The following NRP2 variants were observed in gnomAD, a reference collection of about 807,000 sequenced individuals.
The protein encoded by NRP2 is neuropilin 2, also known as neuropilin-2.
Under a neutral mutation model 110.4 loss-of-function variants are expected in NRP2, and 52 were observed. That is an observed-to-expected ratio of 0.47 (90% CI 0.38 to 0.59). The LOEUF is 0.59. Ranked by LOEUF, NRP2 falls within the 20% of genes least tolerant of loss-of-function variation. The pLI, the probability that NRP2 is intolerant of heterozygous loss-of-function variation, is 0.00. For missense variants in NRP2, 1,049 were observed against 1,203.0 expected, an observed-to-expected ratio of 0.87 and a Z score of 1.89; for synonymous variants, 508 against 468.9, an observed-to-expected ratio of 1.08 and a Z score of -1.08.
At chr2:205,790,851 C>T (rs980800901) in intron 15 of NRP2, among the ~76,000 whole-genome samples, 3 of 152,152 alleles carry the variant, frequency 2.0e-5, no homozygotes, top group African/African-American at 4.8e-5. Flanking sequence ...CTGCAGGTGC[C>T]ACTTGCTGTG....
chr2:205,740,656 G>C lies in NRP2; in HGVS notation c.1284G>C (p.Arg428=). The part of the protein sequence containing the change: ...IALRLELFGC[R]VTDAPCSNML... ...TCCGGCTGGAGCTCTTCGGCTGCCG[G>C]GTCACAGGTGAGGTGGGGGCTCCAA... The change falls in exon 8 of 17, where the codon CGG becomes CGC. Residue 428 remains arginine (R), a synonymous_variant. Coordinates refer to ENST00000357785, the MANE Select transcript of NRP2 (RefSeq NM_003872.3). 6.2e-7 allele frequency: 1 copy of C among 1,614,110 alleles called. No individual in the cohort carries two copies. The highest frequency in any genetic ancestry group is 8.5e-7 in the Non-Finnish European group (1 of 1,180,024).
chr2:205,752,415 C>G (rs2057662727), intron 11 of NRP2: 1 of 302,716 alleles, frequency 3.3e-6, no homozygotes, highest in African/African-American at 2.2e-5. Context: ...TGCCCCATCT[C>G]CTCTGAGAGC....
In NRP2 at chr2:205,686,747, G is replaced by C. The variant is rs2056175495; in HGVS notation, c.73+3384G>C. Among the ~76,000 whole-genome samples, 1 of 152,182 alleles carries C rather than the reference G, an allele frequency of 6.6e-6. No individual in the cohort carries two copies. Among genetic ancestry groups the C allele is most frequent in the South Asian group, 2.1e-4 (1 of 4,834 alleles). On this transcript the variant is annotated intron_variant, in intron 1 of 16. Coordinates refer to ENST00000357785, the MANE Select transcript of NRP2 (RefSeq NM_003872.3). The surrounding 1 kb of genome is among the most constrained non-coding windows in gnomAD (Gnocchi z 4.7). Reference sequence around the variant, plus strand: ...CGTTGCGGCTTCTGCGGCTCCGGCTGAATTTCTTCTAAAAGATAGGAGATC... The same window carrying C: ...CGTTGCGGCTTCTGCGGCTCCGGCTCAATTTCTTCTAAAAGATAGGAGATC...
chr2:205,730,901 T>C (rs2057225992), intron 7 of NRP2, among the ~76,000 whole-genome samples: 1 of 152,226 alleles, frequency 6.6e-6, no homozygotes, highest in Admixed American at 6.5e-5. Flanking sequence ...ACTAAGGAAC[T>C]CTTTTCCAGC....
Position 205,727,883 on chromosome 2 carries a change from T to C in NRP2, c.991-8T>C. 6.2e-7 allele frequency: 1 copy of C among 1,611,752 alleles called. No individual in the cohort carries two copies. Among genetic ancestry groups the C allele is most frequent in the Non-Finnish European group, 8.5e-7 (1 of 1,178,908 alleles). On this transcript the variant is annotated splice_region_variant and splice_polypyrimidine_tract_variant and intron_variant, in intron 6 of 16. Transcript: ENST00000357785. The stretch of plus-strand genomic sequence containing the variant: ...GGTGGTCTCTTACTCCAGCCCTCTA[T>C]TCCCCAGGTGGACCTGCGCTTTTTA...
chr2:205,693,221 C>T (rs781724181), intron 1 of NRP2, among the ~76,000 whole-genome samples: 3 of 152,076 alleles, frequency 2.0e-5, no homozygotes, highest in South Asian at 2.1e-4. Context: ...GAAATGAGAC[C>T]GATTGCTTTT....
intron 2 of NRP2, among the ~76,000 whole-genome samples, chr2:205,713,114 A>G (rs1472647638): frequency 1.3e-5 from 2 of 152,080 alleles, no homozygotes; most frequent in South Asian, 4.1e-4. Context: ...TAACAGTGGC[A>G]TTTGTTGGGC....
Position 205,725,776 on chromosome 2 carries a change from A to T in NRP2, c.821-137A>T. 2 of 852,938 alleles carry T rather than the reference A, an allele frequency of 2.3e-6. No homozygotes were observed. The highest frequency in any genetic ancestry group is 3.9e-6 in the Non-Finnish European group (2 of 511,888). 52.8% of individuals were successfully genotyped at this position (852,938 alleles called of 1,614,324 possible). A position where few individuals can be genotyped will look rare whatever the true frequency, so the allele number is the denominator to read the frequency against. On this transcript the variant is annotated intron_variant, in intron 5 of 16. Coordinates refer to ENST00000357785, the MANE Select transcript of NRP2 (RefSeq NM_003872.3). The surrounding 1 kb of genome is among the most constrained non-coding windows in gnomAD (Gnocchi z 4.1). Reference sequence around the variant, plus strand: ...ATGACTTGATGTAGTTGTTTTTAAAATGTGAGCATATAATTAGGGTCTTTT... The same window carrying T: ...ATGACTTGATGTAGTTGTTTTTAAATTGTGAGCATATAATTAGGGTCTTTT...
intron 2 of NRP2, among the ~76,000 whole-genome samples, chr2:205,708,420 A>G (rs2056730212): frequency 6.6e-6 from 1 of 152,228 alleles, no homozygotes; most frequent in Admixed American, 6.5e-5. Flanking sequence ...GGGAAATGGT[A>G]TTCACCCAAA....
At chr2:205,751,539 GTC>G (rs1005153642) in intron 11 of NRP2, among the ~76,000 whole-genome samples, 1 of 152,104 alleles carries the variant, frequency 6.6e-6, no homozygotes, top group Non-Finnish European at 1.5e-5. Flanking sequence ...GATTCCATGT[GTC>G]TCTTCTAAAC....
chr2:205,745,492 C>A (rs1463735616), intron 9 of NRP2, among the ~76,000 whole-genome samples: 1 of 152,174 alleles, frequency 6.6e-6, no homozygotes, highest in Non-Finnish European at 1.5e-5. Context: ...AAAGACACAA[C>A]CTGGAAATTG....
In NRP2 at chr2:205,763,631, C is replaced by T. The variant is rs1463776201; in HGVS notation, c.2045-43C>T. On this transcript the variant is annotated intron_variant, in intron 12 of 16. Transcript: ENST00000357785. This position sits in a 1 kb window ranked among gnomAD's most constrained non-coding sequence, Gnocchi z 4.0. The stretch of plus-strand genomic sequence containing the variant: ...CACAGCAGCACACTGGTGTCTTTCC[C>T]GAGTGTTTATGGAGAACCTCTGTTT... 4 of 1,613,232 alleles carry T rather than the reference C, an allele frequency of 2.5e-6. No individual in the cohort carries two copies. Among genetic ancestry groups the T allele is most frequent in the Non-Finnish European group, 3.4e-6 (4 of 1,179,904 alleles).
At chr2:205,776,738 A>T in intron 15 of NRP2, 1 of 1,462,342 alleles carries the variant, frequency 6.8e-7, no homozygotes, top group Non-Finnish European at 9.0e-7. Context: ...TGTTGATTCC[A>T]AACCAACAAA....
intron 10 of NRP2, among the ~76,000 whole-genome samples, chr2:205,746,251 TA>T (rs1458684920): frequency 1.3e-5 from 2 of 152,144 alleles, no homozygotes; most frequent in Non-Finnish European, 2.9e-5. Context: ...GATAATAAAG[TA>T]ATCGGTTTAT....
chr2:205,752,847 A>C lies in NRP2; in HGVS notation c.1916A>C (p.Gln639Pro). 4 of 1,614,194 alleles carry C rather than the reference A, an allele frequency of 2.5e-6. No individual in the cohort carries two copies. The highest frequency in any genetic ancestry group is 2.2e-5 in the East Asian group (1 of 44,876). ...NCSFEDDKDL[Q>P]LPSGFNCNFD... ...TTTCCCCTTTTAGACAAAGATTTGC[A>C]GCTCCCTTCGGGATTCAATTGCAAC... Residue 639 changes from glutamine to proline, a missense_variant, in exon 12 of 17, where the codon CAG becomes CCG. Coordinates refer to ENST00000357785, the MANE Select transcript of NRP2 (RefSeq NM_003872.3).
chr2:205,766,668 CA>C (rs1295120345), intron 14 of NRP2, 114 bp from the exon 15 acceptor site: 11 of 963,722 alleles, frequency 1.1e-5, no homozygotes, highest in South Asian at 1.3e-5. Context: ...TGGAGTGGTA[CA>C]AAAAAACCGA....
At chr2:205,732,416 A>G (rs1355947503) in intron 7 of NRP2, among the ~76,000 whole-genome samples, 1 of 152,170 alleles carries the variant, frequency 6.6e-6, no homozygotes, top group Non-Finnish European at 1.5e-5. Context: ...AAACCCTCAA[A>G]TCAGTTGGCT....
chr2:205,767,041 A>T, intron 15 of NRP2: 1 of 589,688 alleles, frequency 1.7e-6, no homozygotes, highest in Non-Finnish European at 3.0e-6. Flanking sequence ...AATAGAGACA[A>T]ATAGGTTACA....
intron 1 of NRP2, among the ~76,000 whole-genome samples, chr2:205,691,320 C>G (rs1305991095): frequency 6.6e-6 from 1 of 152,090 alleles, no homozygotes; most frequent in East Asian, 1.9e-4. Flanking sequence ...GGAGAAAGGG[C>G]AGAGGCAGCC....
Sources: gnomAD v4.1 joint callset for allele counts (sites outside exome capture counted in the v4.1 genomes callset) on GRCh38, gnomAD v4.1.1 for gene constraint, Gnocchi (gnomAD v3.1) non-coding constraint, MANE v1.5 for transcripts, NCBI Gene and HGNC (gene_info 2026-07-23, HGNC 2026-07-21) for gene names.